The following CRB1 variants were observed in gnomAD, a reference collection of about 807,000 sequenced individuals.
The protein encoded by CRB1 is protein crumbs homolog 1.
In CRB1, 83 loss-of-function variants were observed where a neutral mutation model predicts 120.0. The ratio of observed to expected loss-of-function variants is 0.69; its 90% CI spans 0.58 to 0.83. CRB1 has a LOEUF of 0.83. Ranked by LOEUF, CRB1 falls within the 40% of genes least tolerant of loss-of-function variation. The pLI is 0.00. For synonymous variants in CRB1, 625 were observed against 612.5 expected, an observed-to-expected ratio of 1.02 and a Z score of -0.30; for missense variants, 1,699 against 1,687.6, an observed-to-expected ratio of 1.01 and a Z score of -0.12.
chr1:197,421,224 G>A lies in CRB1; in HGVS notation c.1396G>A (p.Gly466Arg). The change falls in exon 6 of 12, where the codon GGA (glycine) becomes AGA (arginine). Residue 466 changes from glycine (G) to arginine (R), a missense_variant. Transcript: ENST00000367400. ...CCCTCACTTCCAAGATGGCCAGCAT[G>A]GATTCAGCTGCCTATGTCCATCTGG... ...CIPHFQDGQHGFSCLCPSGYT... is the reference protein window; with the variant it reads ...CIPHFQDGQHRFSCLCPSGYT... The A allele has an allele frequency of 1.2e-6, 2 of 1,614,218 alleles. No individual in the cohort carries two copies. Among genetic ancestry groups the A allele is most frequent in the South Asian group, 2.2e-5 (2 of 91,084 alleles).
chr1:197,228,048 C>G, the CRB1 span, among the ~76,000 whole-genome samples: 2 of 152,168 alleles, frequency 1.3e-5, no homozygotes, highest in African/African-American at 4.8e-5. Flanking sequence ...AGGCTTCACA[C>G]AGCACAAGGT....
chr1:197,354,372 T>G (rs1660305048), intron 4 of CRB1, among the ~76,000 whole-genome samples: 1 of 152,188 alleles, frequency 6.6e-6, no homozygotes, highest in Non-Finnish European at 1.5e-5. Context: ...TTGGTCTGAT[T>G]GACTCTTCAA....
chr1:197,263,972 C>A (rs1318252894), upstream of CRB1, among the ~76,000 whole-genome samples: 1 of 151,432 alleles, frequency 6.6e-6, no homozygotes, highest in Admixed American at 6.6e-5. Context: ...ATTCTTTTAT[C>A]TCTTAAAATT....
At chr1:197,239,275 T>A in the CRB1 span, among the ~76,000 whole-genome samples, 1 of 152,152 alleles carries the variant, frequency 6.6e-6, no homozygotes, top group African/African-American at 2.4e-5. Context: ...CTGAATATTT[T>A]GTCTAATATT....
the CRB1 span, chr1:197,222,528 G>A: frequency 1.8e-3 from 1,418 of 768,312 alleles, 16 homozygotes; most frequent in African/African-American, 0.022. Context: ...GTTTGGTCTT[G>A]GCAGTGTTGC....
chr1:197,284,326 G>T (rs1655701380), intron 1 of CRB1, among the ~76,000 whole-genome samples: 1 of 151,934 alleles, frequency 6.6e-6, no homozygotes, highest in Non-Finnish European at 1.5e-5. Flanking sequence ...CACCCTGGGT[G>T]TGTGTGGCCA....
chr1:197,427,271 A>G (rs1664629776), intron 6 of CRB1, among the ~76,000 whole-genome samples, 183 bp from the exon 7 acceptor site: 1 of 152,192 alleles, frequency 6.6e-6, no homozygotes. Context: ...AAGTCCAGAA[A>G]GAGGCCAAAT....
Position 197,328,802 on chromosome 1 carries a change from G to A in CRB1, c.451G>A (p.Glu151Lys), listed in dbSNP as rs780719967. Residue 151 changes from glutamate (E) to lysine (K), a missense_variant, in exon 2 of 12, where the codon GAG becomes AAG. Glu to Lys is a moderately conservative substitution (Grantham distance 56, BLOSUM62 1). Transcript: ENST00000367400. ...AAGATTCTGTGAGATAGATCACGATGAGTGTGCTTCCAGCCCTTGCCAAAA... is the reference window on the plus strand; with the variant it reads ...AAGATTCTGTGAGATAGATCACGATAAGTGTGCTTCCAGCCCTTGCCAAAA... ...AGRFCEIDHD[E>K]CASSPCQNGA... is the part of the protein sequence containing the mutation. 4 of 1,613,980 alleles carry A rather than the reference G, an allele frequency of 2.5e-6. 1 individual carries two copies. In the South Asian group the frequency reaches 4.4e-5, roughly 18 times the overall value.
chr1:197,350,498 A>G (rs1660036895), intron 4 of CRB1, among the ~76,000 whole-genome samples: 2 of 152,222 alleles, frequency 1.3e-5, no homozygotes, highest in African/African-American at 4.8e-5. Flanking sequence ...AAGAAACCCA[A>G]TTAGTACATG....
intron 5 of CRB1, among the ~76,000 whole-genome samples, chr1:197,362,048 C>T (rs915102683): frequency 1.3e-5 from 2 of 151,896 alleles, no homozygotes; most frequent in Admixed American, 6.6e-5. Context: ...CATCTTAATA[C>T]TGTTCTGTGT....
At chr1:197,223,386 G>C in the CRB1 span, 1 of 492,612 alleles carries the variant, frequency 2.0e-6, no homozygotes, top group Non-Finnish European at 3.7e-6. Flanking sequence ...TCTCTATTTT[G>C]TGTGTGCCTA....
Position 197,478,397 on chromosome 1 carries a change from G to A in CRB1, c.*518G>A. The A allele has an allele frequency of 6.1e-6, 1 of 163,310 alleles. No individual in the cohort carries two copies. The allele number at this position is 163,310 out of a possible 1,614,324, so 10.1% of individuals were successfully genotyped here. Reference sequence around the variant, plus strand: ...CATTCATGGATTCAGAGAAAGCTCTGGGAATGACTTATGGTCCAAAAAAGT... The same window carrying A: ...CATTCATGGATTCAGAGAAAGCTCTAGGAATGACTTATGGTCCAAAAAAGT... On this transcript the variant is annotated 3_prime_UTR_variant, in exon 12 of 12. Transcript: ENST00000367400.
At chr1:197,351,925 ACTACT>A (rs1165898053) in intron 4 of CRB1, among the ~76,000 whole-genome samples, 11 of 152,148 alleles carry the variant, frequency 7.2e-5, no homozygotes, top group African/African-American at 2.4e-4. Flanking sequence ...AACACTACAA[ACTACT>A]CTATATCTAA....
intron 2 of CRB1, among the ~76,000 whole-genome samples, chr1:197,334,210 G>T (rs1659019590): frequency 6.6e-6 from 1 of 152,214 alleles, no homozygotes; most frequent in African/African-American, 2.4e-5. Flanking sequence ...AGACAGTTAT[G>T]TGGATTTCCA....
chr1:197,225,406 G>A, the CRB1 span, among the ~76,000 whole-genome samples: 6 of 152,160 alleles, frequency 3.9e-5, no homozygotes, highest in African/African-American at 1.4e-4. Flanking sequence ...TTAGATAAAT[G>A]AACTTGTGGC....
chr1:197,390,446 T>C (rs1256547163), intron 5 of CRB1, among the ~76,000 whole-genome samples: 1 of 152,050 alleles, frequency 6.6e-6, no homozygotes, highest in Non-Finnish European at 1.5e-5. Flanking sequence ...CCAAGAAAGC[T>C]GAACAATAGC....
intron 11 of CRB1, among the ~76,000 whole-genome samples, chr1:197,463,908 G>T (rs1666639052): frequency 1.3e-5 from 2 of 152,170 alleles, no homozygotes; most frequent in African/African-American, 4.8e-5. Context: ...CTTTGTCATA[G>T]AATTAATCTA....
intron 1 of CRB1, among the ~76,000 whole-genome samples, chr1:197,292,324 T>C (rs371774308): frequency 7.2e-5 from 11 of 152,170 alleles, no homozygotes; most frequent in African/African-American, 2.6e-4. Flanking sequence ...CTAGAAGAAA[T>C]GGATAAATTC....
intron 3 of CRB1, 104 bp downstream of exon 3, chr1:197,344,580 TG>T: frequency 9.0e-7 from 1 of 1,114,726 alleles, no homozygotes; most frequent in Non-Finnish European, 1.4e-6. Flanking sequence ...GCTTAAAATT[TG>T]GGGTGTAACT....
Sources: gnomAD v4.1 joint callset for allele counts (sites outside exome capture counted in the v4.1 genomes callset) on GRCh38, gnomAD v4.1.1 for gene constraint, MANE v1.5 for transcripts, NCBI Gene and HGNC (gene_info 2026-07-23, HGNC 2026-07-21) for gene names.